Variants in PPEF1 observed in about 807,000 individuals in gnomAD.
The protein encoded by PPEF1 is serine/threonine-protein phosphatase with EF-hands 1.
Under a neutral mutation model 53.3 loss-of-function variants are expected in PPEF1, and 12 were observed. The ratio of observed to expected loss-of-function variants is 0.23; its 90% CI spans 0.14 to 0.36. The LOEUF (loss-of-function observed/expected upper bound fraction) is 0.36, where lower values mean the gene tolerates loss of function less well. PPEF1 is among the 10% of genes least tolerant of loss of function. The pLI is 1.00. For synonymous variants in PPEF1, 165 were observed against 176.7 expected (o/e 0.93, Z 0.52); for missense variants, 334 against 490.4 (o/e 0.68, Z 3.01).
intron 7 of PPEF1, among the ~76,000 whole-genome samples, chrX:18,781,129 A>G (rs773411196): frequency 9.1e-6 from 1 of 110,366 alleles, no homozygotes; most frequent in South Asian, 3.9e-4. Flanking sequence ...TTGGGGGTAC[A>G]GCGGCATCAT....
chrX:18,692,561 C>G (rs1929461802), intron 4 of PPEF1, among the ~76,000 whole-genome samples: 1 of 111,796 alleles, frequency 8.9e-6, no homozygotes, highest in African/African-American at 3.2e-5. Context: ...TACATAAAAC[C>G]CTTTTACATT....
chrX:18,814,786 T>C (rs2046871601), intron 12 of PPEF1, among the ~76,000 whole-genome samples: 1 of 112,213 alleles, frequency 8.9e-6, no homozygotes, highest in Admixed American at 9.5e-5. Context: ...TCCCAATCTT[T>C]AGGTTGCCTG....
At chrX:18,753,876 A>G (rs1365663694) in intron 4 of PPEF1, among the ~76,000 whole-genome samples, 2 of 111,181 alleles carry the variant, frequency 1.8e-5, no homozygotes, top group Non-Finnish European at 3.8e-5. Context: ...CATCTGGTCT[A>G]TCCTGGAGAA....
rs1207531762 is a variant in PPEF1, at chrX:18,746,566, C to T, written c.236-3226C>T. On this transcript the variant is annotated intron_variant, in intron 3 of 15. Transcript: ENST00000470157. Reference sequence around the variant, plus strand: ...ATATTTTAATTTTGTTCTTAAGTAACAAGACTGAGTCTTCATAACTGGAAG... The same window carrying T: ...ATATTTTAATTTTGTTCTTAAGTAATAAGACTGAGTCTTCATAACTGGAAG... 4.5e-5 allele frequency among the ~76,000 whole-genome samples: 5 copies of T among 111,266 alleles called. No individual in the cohort carries two copies. In the Admixed American group the frequency reaches 4.8e-4, roughly 11 times the overall value.
intron 1 of PPEF1, among the ~76,000 whole-genome samples, chrX:18,729,649 G>A (rs139793683): frequency 3.7e-4 from 41 of 111,975 alleles, no homozygotes; most frequent in African/African-American, 1.3e-3. Flanking sequence ...CTAGTGATAG[G>A]CAGCCAGGCC....
intron 1 of PPEF1, among the ~76,000 whole-genome samples, chrX:18,722,819 GGGAGA>G (rs2044617384): frequency 9.1e-6 from 1 of 110,448 alleles, no homozygotes; most frequent in Non-Finnish European, 1.9e-5. Flanking sequence ...AGGCGATGAG[GGGAGA>G]GGAGACCATG....
At chrX:18,775,713 G>A (rs1031512440) in intron 6 of PPEF1, among the ~76,000 whole-genome samples, 26 of 111,549 alleles carry the variant, frequency 2.3e-4, no homozygotes, top group Non-Finnish European at 1.9e-4. Context: ...TCTAGTTGCC[G>A]GATCCTCTTA....
intron 3 of PPEF1, among the ~76,000 whole-genome samples, chrX:18,737,143 C>T (rs1030702840): frequency 8.1e-5 from 9 of 111,613 alleles, no homozygotes; most frequent in African/African-American, 1.3e-4. Flanking sequence ...CTGCTCTGAT[C>T]TTAGTTATTT....
At chrX:18,811,028 C>G (rs2046793784) in intron 12 of PPEF1, among the ~76,000 whole-genome samples, 1 of 112,214 alleles carries the variant, frequency 8.9e-6, no homozygotes, top group Admixed American at 9.5e-5. Context: ...TACATCATTG[C>G]CAACTCTTGT....
At chrX:18,678,117 T>G (rs1323615386), upstream of PPEF1, among the ~76,000 whole-genome samples, 8 of 58,811 alleles carry the variant, frequency 1.4e-4, no homozygotes, top group Admixed American at 2.8e-4. Context: ...GGTGACAGAG[T>G]GAGAACCTGG....
chrX:18,747,805 A>G (rs1015312106), intron 3 of PPEF1, among the ~76,000 whole-genome samples: 19 of 112,463 alleles, frequency 1.7e-4, no homozygotes, highest in Non-Finnish European at 1.1e-4. Context: ...TTTAGAGTCT[A>G]TAACAGAAAA....
At chrX:18,706,124 G>C (rs2044190434), upstream of PPEF1, among the ~76,000 whole-genome samples, 1 of 105,609 alleles carries the variant, frequency 9.5e-6, no homozygotes, top group African/African-American at 3.5e-5. Flanking sequence ...AAATTAGCCG[G>C]GTGTCACGGC....
Position 18,789,331 on chromosome X carries a change from C to T in PPEF1, c.1065+58C>T, listed in dbSNP as rs926972157. The T allele has an allele frequency of 4.7e-6, 5 of 1,070,002 alleles. No homozygotes were observed. In the African/African-American group the frequency reaches 9.2e-5, roughly 20 times the overall value. The allele number at this position is 1,070,002 out of a possible 1,213,427, so 88.2% of individuals were successfully genotyped here. On this transcript the variant is annotated intron_variant, in intron 10 of 15. Coordinates refer to ENST00000470157, the MANE Select transcript of PPEF1 (RefSeq NM_001377996.1). Reference sequence around the variant, plus strand: ...CAATGACACTAGCGTGCATGTTGTCCCTTACAATATATAGATAAAAAGTGA... The same window carrying T: ...CAATGACACTAGCGTGCATGTTGTCTCTTACAATATATAGATAAAAAGTGA...
chrX:18,764,382 C>T (rs1263088793), intron 6 of PPEF1, among the ~76,000 whole-genome samples: 1 of 111,226 alleles, frequency 9.0e-6, no homozygotes, highest in African/African-American at 3.3e-5. Context: ...AGCAGAGCCT[C>T]CCCTGCTCCT....
chrX:18,675,922 C>G (rs12846548), exon 1 of PPEF1: 3 of 88,170 alleles, frequency 3.4e-5, no homozygotes, highest in Non-Finnish European at 6.3e-5. Context: ...GCTCACCATT[C>G]TCAAGCTTGA....
At chrX:18,795,264 C>G (rs975286363) in intron 10 of PPEF1, among the ~76,000 whole-genome samples, 2 of 112,082 alleles carry the variant, frequency 1.8e-5, no homozygotes, top group Non-Finnish European at 3.8e-5. Context: ...GAGCTGAGAT[C>G]GTGCCACTGC....
At chrX:18,804,154 G>A (rs984150158) in intron 11 of PPEF1, 77 bp downstream of exon 11, 48 of 939,558 alleles carry the variant, frequency 5.1e-5, no homozygotes, top group Non-Finnish European at 6.6e-5. Context: ...GAGCATGTCT[G>A]GCCTAGAAGC....
chrX:18,817,067 CATGTGTGTGTGTGTGT>C (rs1477731122), intron 12 of PPEF1, among the ~76,000 whole-genome samples: 1 of 49,116 alleles, frequency 2.0e-5, no homozygotes, highest in Admixed American at 2.2e-4. Flanking sequence ...ATCATTTTGC[CATGTGTGTGTGTGTGT>C]GTGTGTGTGT....
At chrX:18,679,148 A>G (rs1337795419), upstream of PPEF1, among the ~76,000 whole-genome samples, 1 of 112,081 alleles carries the variant, frequency 8.9e-6, no homozygotes, top group Non-Finnish European at 1.9e-5. Context: ...ATCTTAGCTC[A>G]CTGCAACCTC....
Sources: gnomAD v4.1 joint callset for allele counts (sites outside exome capture counted in the v4.1 genomes callset) on GRCh38, gnomAD v4.1.1 for gene constraint, MANE v1.5 for transcripts, NCBI Gene and HGNC (gene_info 2026-07-23, HGNC 2026-07-21) for gene names.